Variants in PAPPA2 observed in about 807,000 individuals in gnomAD.
PAPPA2 encodes the protein pappalysin 2.
A neutral mutation model predicts 176.4 loss-of-function variants in PAPPA2; 86 were observed. That is an observed-to-expected ratio of 0.49 (90% CI 0.41 to 0.58). The LOEUF (loss-of-function observed/expected upper bound fraction) is 0.58, where lower values mean the gene tolerates loss of function less well. Among genes scored for constraint, PAPPA2 ranks in the 20% least tolerant of loss-of-function variants. The pLI is 0.00. For missense variants in PAPPA2, 2,073 were observed against 2,256.9 expected (o/e 0.92, Z 1.65); for synonymous variants, 809 against 852.2 (o/e 0.95, Z 0.88).
At position 176,556,972 on chromosome 1, in the gene PAPPA2, C is replaced by T. The variant is rs1412023633; in HGVS notation, c.650C>T (p.Ser217Leu). The T allele has an allele frequency of 6.2e-7, 1 of 1,613,962 alleles. No individual in the cohort carries two copies. Among genetic ancestry groups the T allele is most frequent in the East Asian group, 2.2e-5 (1 of 44,880 alleles). ...EDGQGDSGISSHFQPWPKHSL... is the reference protein window; with the variant it reads ...EDGQGDSGISLHFQPWPKHSL... ...GGGCAGGGAGACTCCGGTATCTCTT[C>T]ACATTTCCAACCTTGGCCCAAGCAT... Residue 217 changes from serine to leucine, a missense_variant, in exon 2 of 23, where the codon TCA (serine) becomes TTA (leucine). Physicochemically the swap from Ser to Leu is moderately radical, Grantham distance 145 (BLOSUM62 -2). Around this residue, in one of 4 missense-constraint regions of PAPPA2, gnomAD observed 1,196 missense variants for 1,330.4 expected, o/e 0.90. Transcript: ENST00000367662.
intron 3 of PAPPA2, among the ~76,000 whole-genome samples, chr1:176,596,168 T>C (rs1653968811): frequency 6.6e-6 from 1 of 152,198 alleles, no homozygotes; most frequent in Non-Finnish European, 1.5e-5. Context: ...CCATTCTTTG[T>C]GCAGCATCCA....
chr1:176,637,119 A>C (rs1656741985), intron 3 of PAPPA2, among the ~76,000 whole-genome samples: 1 of 152,078 alleles, frequency 6.6e-6, no homozygotes, highest in Admixed American at 6.6e-5. Flanking sequence ...AGCGTGCATG[A>C]AAGTTTGGAG....
intron 12 of PAPPA2, among the ~76,000 whole-genome samples, chr1:176,718,626 A>G (rs1210008271): frequency 5.3e-5 from 8 of 150,660 alleles, no homozygotes; most frequent in Admixed American, 2.6e-4. Flanking sequence ...TTTCATTGTG[A>G]TTTCTTTTTT....
intron 1 of PAPPA2, among the ~76,000 whole-genome samples, chr1:176,529,376 C>G (rs1649671957): frequency 6.6e-6 from 1 of 151,908 alleles, no homozygotes; most frequent in South Asian, 2.1e-4. Flanking sequence ...AAAGCCCACT[C>G]TGAAGCTCTC....
chr1:176,676,675 A>G (rs1375834857), intron 4 of PAPPA2, among the ~76,000 whole-genome samples: 2 of 151,954 alleles, frequency 1.3e-5, no homozygotes, highest in Non-Finnish European at 2.9e-5. Flanking sequence ...ACAGTTCAGT[A>G]TCTTGACTGT....
chr1:176,563,548 A>C (rs1651788799), intron 2 of PAPPA2, among the ~76,000 whole-genome samples: 1 of 152,080 alleles, frequency 6.6e-6, no homozygotes, highest in Non-Finnish European at 1.5e-5. Flanking sequence ...TTCCCTGCTA[A>C]CTGGTGGAGG....
chr1:176,806,053 C>T (rs1352802255), intron 21 of PAPPA2, among the ~76,000 whole-genome samples: 1 of 144,568 alleles, frequency 6.9e-6, no homozygotes, highest in Non-Finnish European at 1.5e-5. Context: ...ATCTTTATGA[C>T]TTTTTATTAT....
At chr1:176,750,199 A>G (rs527930618) in intron 14 of PAPPA2, among the ~76,000 whole-genome samples, 7 of 152,240 alleles carry the variant, frequency 4.6e-5, no homozygotes, top group Non-Finnish European at 2.9e-5. Context: ...GTACTCTTGA[A>G]CATGTAGATT....
At chr1:176,582,009 C>T (rs534533907) in intron 2 of PAPPA2, among the ~76,000 whole-genome samples, 138 of 149,570 alleles carry the variant, frequency 9.2e-4, no homozygotes, top group African/African-American at 3.1e-3. Context: ...CTGCAAGCTC[C>T]GCCTCCCGGG....
chr1:176,495,920 A>T (rs1011109971), intron 1 of PAPPA2, among the ~76,000 whole-genome samples: 3 of 152,084 alleles, frequency 2.0e-5, no homozygotes, highest in Non-Finnish European at 4.4e-5. Context: ...GGCATGAGCT[A>T]TTATGCCTGG....
intron 2 of PAPPA2, among the ~76,000 whole-genome samples, chr1:176,559,196 A>G (rs1651517141): frequency 6.6e-6 from 1 of 152,192 alleles, no homozygotes; most frequent in African/African-American, 2.4e-5. Flanking sequence ...AACCGTAAGC[A>G]TGTAAAATTG....
intron 21 of PAPPA2, among the ~76,000 whole-genome samples, chr1:176,820,200 T>G (rs1666601929): frequency 6.6e-6 from 1 of 152,156 alleles, no homozygotes; most frequent in Non-Finnish European, 1.5e-5. Context: ...CATCCTTGTC[T>G]CCAAAGCCCA....
intron 14 of PAPPA2, among the ~76,000 whole-genome samples, chr1:176,759,688 A>G (rs973386394): frequency 1.4e-4 from 21 of 152,178 alleles, no homozygotes; most frequent in African/African-American, 4.3e-4. Context: ...AGCTATGCCA[A>G]TGTCCCTGCG....
chr1:176,737,540 C>T (rs1414162514), intron 12 of PAPPA2, among the ~76,000 whole-genome samples: 1 of 152,004 alleles, frequency 6.6e-6, no homozygotes, highest in Non-Finnish European at 1.5e-5. Flanking sequence ...CTCAGCATTC[C>T]ATAACTTGAT....
chr1:176,716,490 C>G (rs1661378357), intron 12 of PAPPA2, among the ~76,000 whole-genome samples: 1 of 151,966 alleles, frequency 6.6e-6, no homozygotes, highest in African/African-American at 2.4e-5. Context: ...AGGTGATCCT[C>G]CTGCCTCAGC....
Position 176,671,205 on chromosome 1 carries a change from C to CA in PAPPA2, c.2137+91dup, listed in dbSNP as rs953805039. The CA allele has an allele frequency of 6.9e-5, 105 of 1,532,418 alleles. No homozygotes were observed. In the African/African-American group the frequency reaches 1.3e-3, roughly 19 times the overall value. The allele number at this position is 1,532,418 out of a possible 1,614,324, so 94.9% of individuals were successfully genotyped here. A position where few individuals can be genotyped will look rare whatever the true frequency, so the allele number is the denominator to read the frequency against. ...AGTAAGTTTGGGGAAAAAAGAAAGA[C>CA]AGAGAAAAAGTGAATTTACACAGTG... On this transcript the variant is annotated intron_variant, in intron 4 of 22. Transcript: ENST00000367662.
chr1:176,747,798 C>T (rs1343996594), intron 14 of PAPPA2, among the ~76,000 whole-genome samples: 4 of 152,130 alleles, frequency 2.6e-5, no homozygotes, highest in African/African-American at 9.7e-5. Flanking sequence ...AATGTGTTCT[C>T]GTTTGAAGGC....
At chr1:176,593,669 T>C (rs180976617) in intron 2 of PAPPA2, among the ~76,000 whole-genome samples, 1 of 152,318 alleles carries the variant, frequency 6.6e-6, no homozygotes, top group Non-Finnish European at 1.5e-5. Context: ...TGTTTATGGG[T>C]GTTCTATCCT....
chr1:176,553,291 G>A (rs1651074175), intron 1 of PAPPA2, among the ~76,000 whole-genome samples: 1 of 140,410 alleles, frequency 7.1e-6, no homozygotes, highest in Non-Finnish European at 1.6e-5. Flanking sequence ...GGGAGGGAGG[G>A]GGCACCTTCT....
Sources: gnomAD v4.1 joint callset for allele counts (sites outside exome capture counted in the v4.1 genomes callset) on GRCh38, gnomAD v4.1.1 for gene constraint, gnomAD v4.1.1 regional missense constraint, MANE v1.5 for transcripts, NCBI Gene and HGNC (gene_info 2026-07-23, HGNC 2026-07-21) for gene names.